Variants in RBFOX1 observed in about 807,000 individuals in gnomAD.
The protein encoded by RBFOX1 is RNA binding protein fox-1 homolog 1.
Under a neutral mutation model 57.7 loss-of-function variants are expected in RBFOX1, and 8 were observed. The observed-to-expected ratio is 0.14, with a 90% CI of 0.08 to 0.25. The LOEUF (loss-of-function observed/expected upper bound fraction) is 0.25, where lower values mean the gene tolerates loss of function less well. Among genes scored for constraint, RBFOX1 ranks in the 10% least tolerant of loss-of-function variants. RBFOX1 has a pLI of 1.00. For synonymous variants in RBFOX1, 326 were observed against 222.4 expected (o/e 1.47, Z -4.15); for missense variants, 611 against 548.5 (o/e 1.11, Z -1.14).
intron 3 of RBFOX1, among the ~76,000 whole-genome samples, chr16:6,682,518 C>G (rs768943030): frequency 2.6e-5 from 4 of 152,122 alleles, no homozygotes; most frequent in Non-Finnish European, 5.9e-5. Flanking sequence ...AAGGGTTTCT[C>G]AATCTTGGCA....
chr16:5,598,483 C>A (rs2047261055), intron 2 of RBFOX1, among the ~76,000 whole-genome samples: 1 of 151,960 alleles, frequency 6.6e-6, no homozygotes, highest in East Asian at 1.9e-4. Flanking sequence ...AATAAACTTC[C>A]TTTGAGATAG....
intron 4 of RBFOX1, among the ~76,000 whole-genome samples, chr16:7,374,126 A>C (rs2097637915): frequency 6.6e-6 from 1 of 152,122 alleles, no homozygotes; most frequent in Non-Finnish European, 1.5e-5. Flanking sequence ...AAGGGCCACC[A>C]ATAGGTACTT....
chr16:6,413,969 G>A (rs1156589516), intron 2 of RBFOX1, among the ~76,000 whole-genome samples: 1 of 152,104 alleles, frequency 6.6e-6, no homozygotes, highest in Non-Finnish European at 1.5e-5. Context: ...CTTAAAGGCT[G>A]AGCACATATT....
chr16:7,315,683 C>G (rs2096422303), intron 4 of RBFOX1, among the ~76,000 whole-genome samples: 2 of 151,060 alleles, frequency 1.3e-5, no homozygotes, highest in South Asian at 4.2e-4. Flanking sequence ...ATTACACACA[C>G]TTTTCATCAT....
intron 4 of RBFOX1, among the ~76,000 whole-genome samples, chr16:7,490,023 A>C (rs1226120842): frequency 3.3e-5 from 5 of 152,112 alleles, no homozygotes; most frequent in Non-Finnish European, 7.4e-5. Flanking sequence ...AGAAAGGTAG[A>C]CCTGTGTCTC....
At chr16:6,988,857 T>C (rs1345812301) in intron 3 of RBFOX1, among the ~76,000 whole-genome samples, 1 of 151,756 alleles carries the variant, frequency 6.6e-6, no homozygotes, top group African/African-American at 2.4e-5. Context: ...CTGCATCCTC[T>C]CCCTCCTGGG....
chr16:6,771,076 G>A (rs1235146357), intron 3 of RBFOX1, among the ~76,000 whole-genome samples: 1 of 152,106 alleles, frequency 6.6e-6, no homozygotes, highest in Non-Finnish European at 1.5e-5. Context: ...CCCGAATCCA[G>A]TGTGTTTGGT....
intron 3 of RBFOX1, among the ~76,000 whole-genome samples, chr16:6,935,810 A>T (rs947574207): frequency 6.6e-6 from 1 of 152,182 alleles, no homozygotes; most frequent in South Asian, 2.1e-4. Context: ...GCATGTCTCT[A>T]AGGCATGCCA....
chr16:7,197,582 G>A (rs2087052655), intron 4 of RBFOX1, among the ~76,000 whole-genome samples: 1 of 151,948 alleles, frequency 6.6e-6, no homozygotes, highest in Non-Finnish European at 1.5e-5. Context: ...AAGTTTATTT[G>A]CAGTAACATT....
chr16:5,669,653 C>G (rs1361066526), intron 3 of RBFOX1, among the ~76,000 whole-genome samples: 3 of 152,096 alleles, frequency 2.0e-5, no homozygotes, highest in Non-Finnish European at 2.9e-5. Flanking sequence ...CTCCTGACCT[C>G]ATGATCTGCC....
At chr16:7,430,194 C>G (rs1348554534) in intron 4 of RBFOX1, among the ~76,000 whole-genome samples, 1 of 152,186 alleles carries the variant, frequency 6.6e-6, no homozygotes, top group Non-Finnish European at 1.5e-5. Flanking sequence ...AAATAATGTT[C>G]CATTGGCCCA....
chr16:6,463,912 C>T (rs1348445153), intron 2 of RBFOX1, among the ~76,000 whole-genome samples: 1 of 151,872 alleles, frequency 6.6e-6, no homozygotes, highest in African/African-American at 2.4e-5. Context: ...CTGCAGGAAC[C>T]ACCCAGCTTG....
At chr16:5,645,818 A>G (rs1260010071) in intron 3 of RBFOX1, among the ~76,000 whole-genome samples, 2 of 152,172 alleles carry the variant, frequency 1.3e-5, no homozygotes, top group Non-Finnish European at 2.9e-5. Flanking sequence ...GGCATGTGCC[A>G]CCACATCTGG....
intron 1 of RBFOX1, among the ~76,000 whole-genome samples, chr16:6,056,773 G>A (rs1249180362): frequency 6.6e-6 from 1 of 151,670 alleles, no homozygotes; most frequent in Non-Finnish European, 1.5e-5. Flanking sequence ...CCTTTTGAGT[G>A]TTAATATGGA....
intron 2 of RBFOX1, among the ~76,000 whole-genome samples, chr16:6,613,019 G>A (rs1344481381): frequency 6.7e-6 from 1 of 149,212 alleles, no homozygotes; most frequent in East Asian, 2.0e-4. Flanking sequence ...GTGTGTGTGT[G>A]TGTGTGTGTG....
At chr16:7,066,564 T>A (rs934670706) in intron 4 of RBFOX1, among the ~76,000 whole-genome samples, 8 of 152,190 alleles carry the variant, frequency 5.3e-5, no homozygotes, top group African/African-American at 1.9e-4. Context: ...TGCTACCAGT[T>A]AAATTATTTA....
chr16:5,922,792 G>C (rs1314461440), intron 4 of RBFOX1, among the ~76,000 whole-genome samples: 1 of 152,208 alleles, frequency 6.6e-6, no homozygotes, highest in Non-Finnish European at 1.5e-5. Context: ...GAATTCAGGG[G>C]CTAACGCTCT....
chr16:5,781,089 A>T (rs906842952), intron 3 of RBFOX1, among the ~76,000 whole-genome samples: 1 of 152,200 alleles, frequency 6.6e-6, no homozygotes, highest in Admixed American at 6.5e-5. Flanking sequence ...ATTCTCCTTG[A>T]TTCTAAAACT....
At chr16:5,557,778 TGTAA>T (rs1332580905) in intron 2 of RBFOX1, among the ~76,000 whole-genome samples, 2 of 152,278 alleles carry the variant, frequency 1.3e-5, no homozygotes, top group South Asian at 2.1e-4. Flanking sequence ...GACCCATGGC[TGTAA>T]GTGAGGACAG....
Sources: gnomAD v4.1 joint callset for allele counts (sites outside exome capture counted in the v4.1 genomes callset) on GRCh38, gnomAD v4.1.1 for gene constraint, MANE v1.5 for transcripts, NCBI Gene and HGNC (gene_info 2026-07-23, HGNC 2026-07-21) for gene names.